C9: variants seen among roughly 807,000 people sequenced by gnomAD.
C9 encodes the protein complement component C9.
Under a neutral mutation model 65.4 loss-of-function variants are expected in C9, and 63 were observed. The ratio of observed to expected loss-of-function variants is 0.96; its 90% CI spans 0.79 to 1.19. The LOEUF is 1.19. Ranked by LOEUF, C9 falls within the 50% of genes most tolerant of loss-of-function variation. The pLI is 0.00. For missense variants in C9, 744 were observed against 670.1 expected, an observed-to-expected ratio of 1.11 and a Z score of -1.22; for synonymous variants, 229 against 227.9, an observed-to-expected ratio of 1.00 and a Z score of -0.04.
intron 1 of C9, among the ~76,000 whole-genome samples, chr5:39,361,518 T>G (rs959875356): frequency 6.6e-6 from 1 of 152,228 alleles, no homozygotes; most frequent in African/African-American, 2.4e-5. Flanking sequence ...CTAAGCATGT[T>G]GTCTTTGTTA....
At chr5:39,337,169 G>A (rs1753986404) in intron 4 of C9, among the ~76,000 whole-genome samples, 1 of 152,156 alleles carries the variant, frequency 6.6e-6, no homozygotes, top group South Asian at 2.1e-4. Flanking sequence ...TGGAAGTTGA[G>A]GATTTACTAT....
At chr5:39,296,816 G>A (rs1753193108) in intron 9 of C9, among the ~76,000 whole-genome samples, 2 of 151,554 alleles carry the variant, frequency 1.3e-5, no homozygotes, top group Non-Finnish European at 3.0e-5. Context: ...ATTATGTTAA[G>A]TGAAATAAGC....
chr5:39,352,405 T>G (rs1292032673), intron 1 of C9, among the ~76,000 whole-genome samples: 2 of 152,242 alleles, frequency 1.3e-5, no homozygotes, highest in African/African-American at 4.8e-5. Context: ...AAGGTCTTCA[T>G]GACTTACTGA....
chr5:39,342,920 A>G (rs1754116780), intron 1 of C9, among the ~76,000 whole-genome samples: 1 of 151,950 alleles, frequency 6.6e-6, no homozygotes, highest in Non-Finnish European at 1.5e-5. Flanking sequence ...TTGAAATATC[A>G]CCCAGGATAA....
intron 1 of C9, among the ~76,000 whole-genome samples, chr5:39,342,565 G>A (rs192171972): frequency 6.6e-6 from 1 of 151,988 alleles, no homozygotes; most frequent in African/African-American, 2.4e-5. Flanking sequence ...ATTTTTTTGT[G>A]TGTCTTCCTT....
intron 5 of C9, among the ~76,000 whole-genome samples, chr5:39,320,968 C>T (rs1258267909): frequency 6.6e-6 from 1 of 152,022 alleles, no homozygotes; most frequent in Non-Finnish European, 1.5e-5. Context: ...AAAAATTTCC[C>T]AGAGACACAA....
At chr5:39,316,078 G>A (rs777106105) in intron 5 of C9, 49 bp from the exon 6 acceptor site, 102 of 1,499,412 alleles carry the variant, frequency 6.8e-5, no homozygotes, top group Admixed American at 5.4e-5. Flanking sequence ...CGAAACAAAA[G>A]GAAAAACAAG....
rs756910234 is a variant in C9, at chr5:39,315,956, T to C, written c.689A>G (p.Glu230Gly). 2 of 1,610,038 alleles carry C rather than the reference T, an allele frequency of 1.2e-6. No individual in the cohort carries two copies. Among genetic ancestry groups the C allele is most frequent in the Admixed American group, 1.7e-5 (1 of 59,960 alleles). ...QIEAFKSIIQ[E>G]KTSNFNAAIS... ...AGCTGCATTAAAATTTGATGTCTTC[T>C]CTTGGATGATACTTTTAAATGCTTC... The change falls in exon 6 of 11, where the codon GAG (glutamate) becomes GGG (glycine). Residue 230 changes from glutamate to glycine, a missense_variant. Glu to Gly is a moderately conservative substitution (Grantham distance 98). Transcript: ENST00000263408.
chr5:39,312,978 C>A (rs1399504709), intron 6 of C9, among the ~76,000 whole-genome samples: 6 of 151,972 alleles, frequency 3.9e-5, no homozygotes, highest in Admixed American at 3.3e-4. Context: ...CTCAAATATG[C>A]CTTATTCAAA....
At chr5:39,356,041 G>A (rs1012911161) in intron 1 of C9, among the ~76,000 whole-genome samples, 2 of 152,114 alleles carry the variant, frequency 1.3e-5, no homozygotes, top group Admixed American at 1.3e-4. Flanking sequence ...GCAGAGGATG[G>A]GGGGAGATCA....
rs1319628126 is a variant in C9, at chr5:39,311,155, C to T, written c.1093G>A (p.Ala365Thr). The part of the protein sequence containing the change: ...LYELIYVLDK[A>T]SMKRKGVELK... ...GGCATACCTTTCCGCTTCATGGAAG[C>T]TTTATCCAAAACATATATTAGTTCA... Residue 365 changes from alanine (A) to threonine (T), a missense_variant, in exon 7 of 11, where the codon GCT becomes ACT. Physicochemically the swap from Ala to Thr is moderately conservative, Grantham distance 58. Transcript: ENST00000263408. The T allele has an allele frequency of 2.5e-6, 4 of 1,613,290 alleles. No homozygotes were observed. The highest frequency in any genetic ancestry group is 2.5e-6 in the Non-Finnish European group (3 of 1,179,432).
At chr5:39,319,644 G>A (rs1398062838) in intron 5 of C9, among the ~76,000 whole-genome samples, 1 of 152,096 alleles carries the variant, frequency 6.6e-6, no homozygotes, top group Non-Finnish European at 1.5e-5. Context: ...GTGCCAGAAT[G>A]GCCACTGCAA....
intron 7 of C9, 123 bp from the exon 8 acceptor site, chr5:39,308,481 A>T (rs1753420097): frequency 1.4e-6 from 1 of 739,600 alleles, no homozygotes; most frequent in Admixed American, 2.0e-5. Flanking sequence ...ACTAAATTCA[A>T]ATGTGCCATC....
intron 10 of C9, among the ~76,000 whole-genome samples, chr5:39,287,872 T>C (rs1205394619): frequency 6.6e-6 from 1 of 151,912 alleles, no homozygotes; most frequent in East Asian, 1.9e-4. Flanking sequence ...ACCTGTTGGG[T>C]ACAATGTTCA....
intron 1 of C9, 37 bp downstream of exon 1, chr5:39,364,351 A>G: frequency 1.7e-6 from 2 of 1,187,266 alleles, no homozygotes; most frequent in Non-Finnish European, 2.5e-6. Context: ...ATCCTACAGG[A>G]AACTTCCAGA....
intron 10 of C9, among the ~76,000 whole-genome samples, chr5:39,286,463 T>G (rs1403670624): frequency 6.6e-6 from 1 of 151,856 alleles, no homozygotes; most frequent in Non-Finnish European, 1.5e-5. Flanking sequence ...AATAATCCAG[T>G]AGACTAGACA....
chr5:39,288,993 T>A, intron 9 of C9, 42 bp from the exon 10 acceptor site: 1 of 1,039,390 alleles, frequency 9.6e-7, no homozygotes, highest in African/African-American at 1.6e-5. Flanking sequence ...CCTTTTTAAC[T>A]GAGAGAACTT....
intron 10 of C9, among the ~76,000 whole-genome samples, chr5:39,288,003 G>T (rs1753022505): frequency 6.6e-6 from 1 of 151,760 alleles, no homozygotes; most frequent in Non-Finnish European, 1.5e-5. Flanking sequence ...GTAAAATAAT[G>T]TTTCCTTATG....
chr5:39,345,217 CACAG>C (rs1754167267), intron 1 of C9, among the ~76,000 whole-genome samples: 1 of 152,166 alleles, frequency 6.6e-6, no homozygotes, highest in African/African-American at 2.4e-5. Flanking sequence ...AATTAAAAGA[CACAG>C]ACTGGCAAAT....
Sources: gnomAD v4.1 joint callset for allele counts (sites outside exome capture counted in the v4.1 genomes callset) on GRCh38, gnomAD v4.1.1 for gene constraint, MANE v1.5 for transcripts, NCBI Gene and HGNC (gene_info 2026-07-23, HGNC 2026-07-21) for gene names.